Variants in WWC2 observed in about 807,000 individuals in gnomAD.
WWC2 encodes the protein WW and C2 domain containing 2.
In WWC2, 101 loss-of-function variants were observed where a neutral mutation model predicts 138.5. The ratio of observed to expected loss-of-function variants is 0.73; its 90% CI spans 0.62 to 0.86. The LOEUF (loss-of-function observed/expected upper bound fraction) is 0.86. Ranked by LOEUF, WWC2 falls within the 40% of genes least tolerant of loss-of-function variation. The pLI is 0.00. For missense variants in WWC2, 1,420 were observed against 1,419.4 expected, an observed-to-expected ratio of 1.00 and a Z score of -0.01; for synonymous variants, 558 against 538.4, an observed-to-expected ratio of 1.04 and a Z score of -0.50.
rs758406994 is a variant in WWC2 at position 183,265,669 on chromosome 4, C to T, written c.2040-19C>T. 6.3e-7 allele frequency: 1 copy of T among 1,599,790 alleles called. No individual in the cohort carries two copies. The stretch of plus-strand genomic sequence containing the variant: ...ATAACCCCATTAATTAACTGTTCAT[C>T]TACTCCCTGTCCATATAGACCTAGT... On this transcript the variant is annotated intron_variant, in intron 12 of 22. Transcript: ENST00000403733.
At position 183,260,972 on chromosome 4, in the gene WWC2, G is replaced by A. The variant is rs141501417; in HGVS notation, c.1349G>A (p.Arg450Gln). The change falls in exon 11 of 23, where the codon CGG becomes CAG. Residue 450 changes from arginine (R) to glutamine (Q), a missense_variant. Physicochemically the swap from Arg to Gln is conservative, Grantham distance 43. Coordinates refer to ENST00000403733, the MANE Select transcript of WWC2 (RefSeq NM_024949.6). ...AGCCTGGGTTCCCTGGCATCGAGTC[G>A]GGGCTCTCTGAACACCTCCAGCAGA... ...GSSLGSLASS[R>Q]GSLNTSSRGS... 5,038 of 1,613,868 alleles carry A rather than the reference G, an allele frequency of 3.1e-3. 6 individuals carry two copies. Among genetic ancestry groups the A allele is most frequent in the Non-Finnish European group, 3.7e-3 (4,346 of 1,179,830 alleles).
intron 1 of WWC2, among the ~76,000 whole-genome samples, chr4:183,168,160 T>C (rs1364360207): frequency 6.2e-5 from 4 of 64,728 alleles, no homozygotes; most frequent in African/African-American, 1.7e-4. Flanking sequence ...GGCTGACTTT[T>C]TTTCTTTTCT....
At chr4:183,145,819 A>G (rs1400676348) in intron 1 of WWC2, among the ~76,000 whole-genome samples, 2 of 152,184 alleles carry the variant, frequency 1.3e-5, no homozygotes, top group African/African-American at 4.8e-5. Context: ...TGATGTTTTT[A>G]TGTATCATGA....
intron 1 of WWC2, among the ~76,000 whole-genome samples, chr4:183,136,588 A>G (rs559695303): frequency 6.6e-6 from 1 of 152,304 alleles, no homozygotes; most frequent in East Asian, 1.9e-4. Context: ...GAAATGTGTT[A>G]TTAGGCAGTT....
intron 19 of WWC2, among the ~76,000 whole-genome samples, chr4:183,285,267 G>A (rs1358719236): frequency 6.6e-6 from 1 of 152,214 alleles, no homozygotes; most frequent in Non-Finnish European, 1.5e-5. Flanking sequence ...GAGACAGTGA[G>A]TGTGGGCTAT....
At chr4:183,105,108 C>T (rs1743309308) in intron 1 of WWC2, among the ~76,000 whole-genome samples, 1 of 152,130 alleles carries the variant, frequency 6.6e-6, no homozygotes, top group African/African-American at 2.4e-5. Flanking sequence ...GCGGTATCAC[C>T]ATGTTGGCCA....
intron 1 of WWC2, among the ~76,000 whole-genome samples, chr4:183,136,262 T>C (rs1349600598): frequency 6.6e-6 from 1 of 152,176 alleles, no homozygotes; most frequent in Non-Finnish European, 1.5e-5. Context: ...ACTTACTCTA[T>C]GGTCTATACC....
intron 16 of WWC2, among the ~76,000 whole-genome samples, chr4:183,280,362 C>T (rs1580143014): frequency 6.8e-6 from 1 of 147,694 alleles, no homozygotes; most frequent in Non-Finnish European, 1.5e-5. Flanking sequence ...TTCATTTTCT[C>T]TAACCTCTTG....
chr4:183,102,774 G>A (rs1743220017), intron 1 of WWC2, among the ~76,000 whole-genome samples: 1 of 151,768 alleles, frequency 6.6e-6, no homozygotes, highest in Non-Finnish European at 1.5e-5. Context: ...TATTTTGTAG[G>A]TTTACCCCCT....
intron 1 of WWC2, among the ~76,000 whole-genome samples, chr4:183,184,314 T>C (rs1002455571): frequency 2.0e-5 from 3 of 152,238 alleles, no homozygotes; most frequent in Admixed American, 1.3e-4. Flanking sequence ...AGTACTTCAT[T>C]CTTTTTTATG....
rs538622474 is a variant in WWC2 at position 183,218,654 on chromosome 4, C to T, written c.522+9629C>T. On this transcript the variant is annotated intron_variant, in intron 4 of 22. Transcript: ENST00000403733. ...ACAGTTCCAGTCCAAAGACCAGCAGCCTGGAGACCCAGGAAAGCTGATGGT... is the reference window on the plus strand; with the variant it reads ...ACAGTTCCAGTCCAAAGACCAGCAGTCTGGAGACCCAGGAAAGCTGATGGT... Among the ~76,000 whole-genome samples, 7 of 152,288 alleles carry T rather than the reference C, an allele frequency of 4.6e-5. No individual in the cohort carries two copies. The East Asian group carries it at 1.4e-3, about 29-fold the overall frequency.
chr4:183,314,674 C>T (rs1243288988), intron 22 of WWC2, among the ~76,000 whole-genome samples: 21 of 152,198 alleles, frequency 1.4e-4, no homozygotes, highest in Admixed American at 1.2e-3. Context: ...ATGCAGGTGC[C>T]GGCAACTACT....
intron 12 of WWC2, 117 bp from the exon 13 acceptor site, chr4:183,265,571 G>A (rs1385213087): frequency 9.9e-7 from 1 of 1,014,738 alleles, no homozygotes; most frequent in Non-Finnish European, 1.5e-6. Flanking sequence ...TCCACTGGGA[G>A]GGCATAGGAG....
At chr4:183,155,462 T>C (rs960349184) in intron 1 of WWC2, among the ~76,000 whole-genome samples, 1 of 152,176 alleles carries the variant, frequency 6.6e-6, no homozygotes, top group Admixed American at 6.5e-5. Context: ...TGAAGGGTTT[T>C]GCTAAAGGAG....
Position 183,282,936 on chromosome 4 carries a change from T to G in WWC2, c.2883+30T>G. Reference sequence around the variant, plus strand: ...CTATTCCGCTGTGCTGTCTTAAAACTGATACCTTACAGGCACCATGTGGAC... The same window carrying G: ...CTATTCCGCTGTGCTGTCTTAAAACGGATACCTTACAGGCACCATGTGGAC... On this transcript the variant is annotated intron_variant, in intron 18 of 22. Transcript: ENST00000403733. 2.0e-6 allele frequency: 3 copies of G among 1,537,748 alleles called. 1 individual carries two copies. In the South Asian group the frequency reaches 3.7e-5, roughly 19 times the overall value.
In WWC2 at chr4:183,109,230, A is replaced by G. The variant is rs149736659; in HGVS notation, c.131+9608A>G. On this transcript the variant is annotated intron_variant, in intron 1 of 22. Coordinates refer to ENST00000403733, the MANE Select transcript of WWC2 (RefSeq NM_024949.6). ...AAACAAAAATAAAGAAGAATATGTG[A>G]CAGAGACTAAATGTGGTTCACAAAG... 2.4e-3 allele frequency among the ~76,000 whole-genome samples: 371 copies of G among 152,336 alleles called. 2 individuals carry two copies. Among genetic ancestry groups the G allele is most frequent in the African/African-American group, 8.7e-3 (360 of 41,582 alleles).
chr4:183,162,157 C>T (rs943774474), intron 1 of WWC2, among the ~76,000 whole-genome samples: 1 of 143,668 alleles, frequency 7.0e-6, no homozygotes, highest in Non-Finnish European at 1.5e-5. Context: ...AGTTATACAA[C>T]AAAGAAGGCA....
At chr4:183,151,182 A>G (rs2111116756) in intron 1 of WWC2, among the ~76,000 whole-genome samples, 1 of 152,256 alleles carries the variant, frequency 6.6e-6, no homozygotes, top group South Asian at 2.1e-4. Context: ...CTATTTCTCC[A>G]CATCCTCTCC....
intron 1 of WWC2, among the ~76,000 whole-genome samples, chr4:183,172,291 G>T (rs1734312233): frequency 6.6e-6 from 1 of 152,074 alleles, no homozygotes; most frequent in Non-Finnish European, 1.5e-5. Context: ...CCTGTGTTGG[G>T]TGCTCATTTG....
Sources: gnomAD v4.1 joint callset for allele counts (sites outside exome capture counted in the v4.1 genomes callset) on GRCh38, gnomAD v4.1.1 for gene constraint, MANE v1.5 for transcripts, NCBI Gene and HGNC (gene_info 2026-07-23, HGNC 2026-07-21) for gene names.